SMARCB1: variants seen among roughly 807,000 people sequenced by gnomAD.
SMARCB1 encodes the protein SWI/SNF-related matrix-associated actin-dependent regulator of chromatin subfamily B member 1.
A neutral mutation model predicts 49.0 loss-of-function variants in SMARCB1; 5 were observed. The ratio of observed to expected loss-of-function variants is 0.10; its 90% CI spans 0.05 to 0.21. The LOEUF (loss-of-function observed/expected upper bound fraction) is 0.21. Among genes scored for constraint, SMARCB1 ranks in the 10% least tolerant of loss-of-function variants. The probability of loss-of-function intolerance (pLI) is 1.00; values close to 1 mark genes in which losing one functional copy is unlikely to be tolerated. For missense variants in SMARCB1, 226 were observed against 509.2 expected (o/e 0.44, Z 5.35); for synonymous variants, 201 against 200.1 (o/e 1.00, Z -0.04).
intron 4 of SMARCB1, chr22:23,801,285 C>A: frequency 1.3e-6 from 1 of 784,646 alleles, no homozygotes; most frequent in Non-Finnish European, 2.2e-6. Flanking sequence ...TCTGCTGTCA[C>A]CTTGCCATGT....
chr22:23,830,149 T>C (rs1455654485), intron 7 of SMARCB1, among the ~76,000 whole-genome samples: 6 of 152,232 alleles, frequency 3.9e-5, no homozygotes, highest in Admixed American at 3.9e-4. Flanking sequence ...AACATCTGTT[T>C]TCAATTTTCT....
rs199875069 is a variant in SMARCB1 at position 23,837,685 on chromosome 22, C to T, written c.*3505C>T. 6.6e-5 allele frequency: 107 copies of T among 1,613,646 alleles called. No homozygotes were observed. The East Asian group carries it at 2.1e-3, about 32-fold the overall frequency. On this transcript the variant is annotated 3_prime_UTR_variant, in exon 9 of 9. Coordinates refer to ENST00000644036, the MANE Select transcript of SMARCB1 (RefSeq NM_003073.5). ...CAGCAGGTCCACGAGGATGGAGTTGCCCAGCAGCAGCGAGAAGCCCATGAG... is the reference window on the plus strand; with the variant it reads ...CAGCAGGTCCACGAGGATGGAGTTGTCCAGCAGCAGCGAGAAGCCCATGAG...
Position 23,835,779 on chromosome 22 carries a change from TG to T in SMARCB1, c.*1605del. 3 of 985,408 alleles carry T rather than the reference TG, an allele frequency of 3.0e-6. No homozygotes were observed. The highest frequency in any genetic ancestry group is 2.4e-6 in the Non-Finnish European group (2 of 829,918). 61.0% of individuals were successfully genotyped at this position (985,408 alleles called of 1,614,324 possible). ...TGAGGCAGCCCTGTGTCTCCACAAC[TG>T]GGGGGATGGAAGGAACCTTGGCTGC... On this transcript the variant is annotated 3_prime_UTR_variant, in exon 9 of 9. Coordinates refer to ENST00000644036, the MANE Select transcript of SMARCB1 (RefSeq NM_003073.5).
chr22:23,825,007 A>G, intron 6 of SMARCB1: 2 of 602,394 alleles, frequency 3.3e-6, no homozygotes, highest in East Asian at 2.8e-5. Flanking sequence ...CCCGAGGGTG[A>G]CTGTGCTGGG....
intron 5 of SMARCB1, among the ~76,000 whole-genome samples, chr22:23,806,262 G>GTA (rs1929489429): frequency 6.6e-6 from 1 of 152,198 alleles, no homozygotes; most frequent in African/African-American, 2.4e-5. Context: ...AGAGGGCACA[G>GTA]TATAGTAAGG....
At position 23,795,410 on chromosome 22, in the gene SMARCB1, C is replaced by T. The variant is rs189611861; in HGVS notation, c.362+1722C>T. 8.5e-4 allele frequency among the ~76,000 whole-genome samples: 129 copies of T among 152,176 alleles called. No homozygotes were observed. In the East Asian group the frequency reaches 0.014, roughly 16 times the overall value. On this transcript the variant is annotated intron_variant, in intron 3 of 8. Transcript: ENST00000644036. ...GTGGCTCACGCCTGTAATCCCAGCA[C>T]TTTGGGAGGCCGAGGCGGGCGGATC...
rs1481161297 is a variant in SMARCB1 at position 23,791,752 on chromosome 22, A to G, written c.94-4A>G. 1.9e-6 allele frequency: 3 copies of G among 1,613,692 alleles called. No individual in the cohort carries two copies. The highest frequency in any genetic ancestry group is 2.2e-5 in the South Asian group (2 of 91,076). On this transcript the variant is annotated splice_region_variant and splice_polypyrimidine_tract_variant and intron_variant, in intron 1 of 8. Transcript: ENST00000644036. ...TATAATGAGCCTTCTTGCTTTACTC[A>G]TAGGTGGGAAACTACCTCCGTATGT...
chr22:23,816,542 A>G, intron 5 of SMARCB1: 1 of 616,582 alleles, frequency 1.6e-6, no homozygotes, highest in Non-Finnish European at 2.9e-6. Context: ...GGCCATGACC[A>G]CCCCCAGGGC....
At chr22:23,819,321 T>TATTCATTC (rs149317839) in intron 6 of SMARCB1, among the ~76,000 whole-genome samples, 3 of 151,372 alleles carry the variant, frequency 2.0e-5, no homozygotes, top group Non-Finnish European at 4.4e-5. Flanking sequence ...TGTTTTCATT[T>TATTCATTC]ATTCATTCAT....
chr22:23,807,339 C>T (rs1369423009), intron 5 of SMARCB1, among the ~76,000 whole-genome samples: 1 of 150,876 alleles, frequency 6.6e-6, no homozygotes, highest in Admixed American at 6.6e-5. Flanking sequence ...CAGTTGCTCA[C>T]GCCTGAGGCT....
intron 3 of SMARCB1, among the ~76,000 whole-genome samples, chr22:23,795,981 C>T (rs555099613): frequency 9.2e-5 from 14 of 151,798 alleles, no homozygotes; most frequent in East Asian, 3.9e-4. Context: ...TTATTAGAGA[C>T]GGGGTTTCAC....
At chr22:23,822,015 T>C (rs1185172264) in intron 6 of SMARCB1, among the ~76,000 whole-genome samples, 1 of 152,180 alleles carries the variant, frequency 6.6e-6, no homozygotes, top group African/African-American at 2.4e-5. Flanking sequence ...AGCTGGGTGT[T>C]TCTGTAAGGA....
chr22:23,835,087 A>C lies in SMARCB1; in HGVS notation c.*907A>C. On this transcript the variant is annotated 3_prime_UTR_variant, in exon 9 of 9. Coordinates refer to ENST00000644036, the MANE Select transcript of SMARCB1 (RefSeq NM_003073.5). The stretch of plus-strand genomic sequence containing the variant: ...TGGCCTGGGCCAGCTCCTGCCTTAC[A>C]AGCCAGCTGTGAGGAATATGGGAAT... The C allele has an allele frequency of 7.2e-7, 1 of 1,393,372 alleles. No individual in the cohort carries two copies. The highest frequency in any genetic ancestry group is 9.3e-7 in the Non-Finnish European group (1 of 1,076,560). The allele number at this position is 1,393,372 out of a possible 1,614,324, so 86.3% of individuals were successfully genotyped here. A position where few individuals can be genotyped will look rare whatever the true frequency, so the allele number is the denominator to read the frequency against.
intron 6 of SMARCB1, chr22:23,824,970 G>A: frequency 3.5e-6 from 2 of 569,346 alleles, no homozygotes; most frequent in Non-Finnish European, 6.3e-6. Context: ...GTGGGACTCA[G>A]GTGCCCCCGG....
chr22:23,811,392 A>G (rs951592909), intron 5 of SMARCB1, among the ~76,000 whole-genome samples: 3 of 152,232 alleles, frequency 2.0e-5, no homozygotes, highest in Non-Finnish European at 2.9e-5. Flanking sequence ...ATCGACCAAC[A>G]GAATCTGATT....
In SMARCB1 at chr22:23,793,765, A is replaced by C. The variant is rs139259725; in HGVS notation, c.362+77A>C. 24 of 1,379,246 alleles carry C rather than the reference A, an allele frequency of 1.7e-5. No homozygotes were observed. In the African/African-American group the frequency reaches 2.7e-4, roughly 16 times the overall value. 85.4% of individuals were successfully genotyped at this position (1,379,246 alleles called of 1,614,324 possible). On this transcript the variant is annotated intron_variant, in intron 3 of 8. Coordinates refer to ENST00000644036, the MANE Select transcript of SMARCB1 (RefSeq NM_003073.5). ...TGAGACTCAAGAACTGGTTGGGTTG[A>C]AGTTAAATTGAAACACTTTTTTTTT...
chr22:23,832,636 C>T (rs1040135588), intron 7 of SMARCB1, among the ~76,000 whole-genome samples: 8 of 152,220 alleles, frequency 5.3e-5, no homozygotes, highest in Non-Finnish European at 7.3e-5. Context: ...CTGGGAAACA[C>T]TGTCAGCACC....
Position 23,787,356 on chromosome 22 carries a change from G to GGGGC in SMARCB1, c.93+104_93+107dup, listed in dbSNP as rs60395093. 0.013 allele frequency: 7,526 copies of GGGGC among 597,398 alleles called. 516 individuals are homozygous for GGGGC. In the African/African-American group the frequency reaches 0.18, roughly 15 times the overall value. 37.0% of individuals were successfully genotyped at this position (597,398 alleles called of 1,614,324 possible). ...CCGAGAGCGCGCGTCTCCATTCATCGGGGCGGGCGGGCGCGCGCGCGCGCG... is the reference window on the plus strand; with the variant it reads ...CCGAGAGCGCGCGTCTCCATTCATCGGGGCGGGCGGGCGGGCGCGCGCGCGCGCG... On this transcript the variant is annotated intron_variant, in intron 1 of 8. Coordinates refer to ENST00000644036, the MANE Select transcript of SMARCB1 (RefSeq NM_003073.5).
At chr22:23,802,420 C>T (rs1420480510) in intron 4 of SMARCB1, 2 of 152,352 alleles carry the variant, frequency 1.3e-5, no homozygotes, top group Admixed American at 1.3e-4. Flanking sequence ...CTCCTTCCCT[C>T]CCTCCCATCC....
Sources: allele counts gnomAD v4.1 joint callset (sites outside exome capture counted in the v4.1 genomes callset), GRCh38; gene constraint gnomAD v4.1.1; transcripts MANE v1.5; gene names NCBI Gene and HGNC (gene_info 2026-07-23, HGNC 2026-07-21).